The following PDS5B variants were observed in gnomAD, a reference collection of about 807,000 sequenced individuals.
PDS5B encodes PDS5 cohesin associated factor B.
PDS5B carries 51 observed loss-of-function variants against 184.1 expected under a neutral mutation model. The ratio of observed to expected loss-of-function variants is 0.28; its 90% CI spans 0.22 to 0.35. The LOEUF is 0.35. Among genes scored for constraint, PDS5B ranks in the 10% least tolerant of loss-of-function variants. PDS5B has a pLI of 1.00. For missense variants in PDS5B, 1,180 were observed against 1,723.3 expected, an observed-to-expected ratio of 0.68 and a Z score of 5.58; for synonymous variants, 566 against 569.2, an observed-to-expected ratio of 0.99 and a Z score of 0.08.
At chr13:32,611,654 C>G (rs772765313) in intron 1 of PDS5B, among the ~76,000 whole-genome samples, 1 of 151,574 alleles carries the variant, frequency 6.6e-6, no homozygotes, top group East Asian at 1.9e-4. Flanking sequence ...ACTACAGGTG[C>G]GTGCCACCAC....
At chr13:32,770,584 G>T (rs578011688) in intron 32 of PDS5B, 24 bp downstream of exon 32, 2 of 1,600,746 alleles carry the variant, frequency 1.2e-6, no homozygotes, top group African/African-American at 1.4e-5. Context: ...ACTCTAAACT[G>T]CATCTGTTTC....
intron 1 of PDS5B, among the ~76,000 whole-genome samples, chr13:32,600,598 G>T (rs748369653): frequency 4.6e-5 from 7 of 152,202 alleles, no homozygotes; most frequent in Non-Finnish European, 8.8e-5. Flanking sequence ...AGATGAGCCG[G>T]TGTGATGGCA....
Position 32,775,250 on chromosome 13 carries a change from G to C in PDS5B, c.*198G>C. On this transcript the variant is annotated 3_prime_UTR_variant, in exon 35 of 35. Transcript: ENST00000315596. ...CATACACATGGTAACATTGACTATG[G>C]AGTCTTGTGAAAGTGTAATGTGCGA... 1.7e-6 allele frequency: 1 copy of C among 575,854 alleles called. No individual in the cohort carries two copies. Among genetic ancestry groups the C allele is most frequent in the Non-Finnish European group, 3.1e-6 (1 of 324,238 alleles). The allele number at this position is 575,854 out of a possible 1,614,324, so 35.7% of individuals were successfully genotyped here.
chr13:32,595,279 A>G (rs773908959), intron 1 of PDS5B, among the ~76,000 whole-genome samples: 22 of 152,174 alleles, frequency 1.4e-4, no homozygotes, highest in Non-Finnish European at 2.8e-4. Flanking sequence ...TACATAAGTT[A>G]CCAAATCCTG....
At chr13:32,755,198 G>A (rs1312485871) in intron 25 of PDS5B, among the ~76,000 whole-genome samples, 2 of 152,108 alleles carry the variant, frequency 1.3e-5, no homozygotes, top group Non-Finnish European at 1.5e-5. Context: ...ATGAGTCCCA[G>A]TCTATGTGTA....
intron 13 of PDS5B, among the ~76,000 whole-genome samples, chr13:32,693,332 A>G (rs1253759266): frequency 6.6e-6 from 1 of 151,996 alleles, no homozygotes; most frequent in Non-Finnish European, 1.5e-5. Context: ...CGTGACTACT[A>G]TAAAGGAATT....
At chr13:32,611,561 C>G (rs1313598500) in intron 1 of PDS5B, among the ~76,000 whole-genome samples, 3 of 139,288 alleles carry the variant, frequency 2.2e-5, no homozygotes, top group Non-Finnish European at 4.5e-5. Context: ...AGACTGGAGT[C>G]CAGTGGCATG....
At chr13:32,660,856 A>G (rs1342155579) in intron 6 of PDS5B, among the ~76,000 whole-genome samples, 3 of 152,180 alleles carry the variant, frequency 2.0e-5, no homozygotes, top group Non-Finnish European at 4.4e-5. Context: ...TATAGATTCA[A>G]TCTTTTGCTT....
chr13:32,598,262 A>G (rs767097369), intron 1 of PDS5B, among the ~76,000 whole-genome samples: 37 of 151,718 alleles, frequency 2.4e-4, no homozygotes, highest in Non-Finnish European at 5.0e-4. Context: ...TTTAGTAGAG[A>G]TGGGGTTTCA....
At position 32,741,068 on chromosome 13, in the gene PDS5B, G is replaced by GTTTTTTTTTTTT. The variant is rs1566397570; in HGVS notation, c.2407-9_2407-8insTTTTTTTTTTTT. 7.8e-7 allele frequency: 1 copy of GTTTTTTTTTTTT among 1,281,030 alleles called. No individual in the cohort carries two copies. The allele number at this position is 1,281,030 out of a possible 1,614,324, so 79.4% of individuals were successfully genotyped here. A position where few individuals can be genotyped will look rare whatever the true frequency, so the allele number is the denominator to read the frequency against. The stretch of plus-strand genomic sequence containing the variant: ...AGTCCCTGGTTTTTTTTTTTTTCTC[G>GTTTTTTTTTTTT]TTTATTTTTAGCTTCCAGGGAAAAA... On this transcript the variant is annotated splice_polypyrimidine_tract_variant and intron_variant, in intron 21 of 34. Coordinates refer to ENST00000315596, the MANE Select transcript of PDS5B (RefSeq NM_015032.4).
Position 32,694,162 on chromosome 13 carries a change from A to G in PDS5B, c.1470-61A>G. On this transcript the variant is annotated intron_variant, in intron 13 of 34. Transcript: ENST00000315596. ...TTGAACCTTAAATTATATAGTAGTA[A>G]TATTCTAGAAAGATTTTTATTCTGT... 2.6e-6 allele frequency: 3 copies of G among 1,136,460 alleles called. No homozygotes were observed. The South Asian group carries it at 3.9e-5, about 15-fold the overall frequency. 70.4% of individuals were successfully genotyped at this position (1,136,460 alleles called of 1,614,324 possible).
chr13:32,662,675 G>T (rs995820266), intron 6 of PDS5B, among the ~76,000 whole-genome samples: 4 of 152,050 alleles, frequency 2.6e-5, no homozygotes, highest in Non-Finnish European at 4.4e-5. Context: ...ACTTTTAAGT[G>T]TAACTCCATG....
At position 32,764,555 on chromosome 13, in the gene PDS5B, GA is replaced by G. The variant is rs755801132; in HGVS notation, c.3592del (p.Ser1198ValfsTer10). 1.4e-5 allele frequency: 22 copies of G among 1,600,890 alleles called. No homozygotes were observed. The highest frequency in any genetic ancestry group is 4.5e-5 in the East Asian group (2 of 44,178). ...ACACAATGTCTTCACCTTTGCCGGG[GA>G]AAAAAAGTGACAAGAGAGACGACTC... The part of the protein sequence containing the change: ...DYTMSSPLPG[K>X]KSDKRDDSDL... On this transcript the variant is annotated frameshift_variant, in exon 31 of 35. Transcript: ENST00000315596. LOFTEE classifies it high-confidence loss of function.
chr13:32,670,815 C>G (rs994726516), intron 7 of PDS5B, among the ~76,000 whole-genome samples: 8 of 152,280 alleles, frequency 5.3e-5, no homozygotes, highest in Non-Finnish European at 8.8e-5. Context: ...CTTAATTCCA[C>G]TGAGCCTCTG....
chr13:32,709,073 C>T (rs1158892382), intron 18 of PDS5B, among the ~76,000 whole-genome samples: 1 of 151,934 alleles, frequency 6.6e-6, no homozygotes, highest in Non-Finnish European at 1.5e-5. Context: ...GTTTTATCAT[C>T]TATGTATGTA....
At chr13:32,620,368 A>C (rs2058281143) in intron 1 of PDS5B, among the ~76,000 whole-genome samples, 1 of 152,102 alleles carries the variant, frequency 6.6e-6, no homozygotes, top group Non-Finnish European at 1.5e-5. Flanking sequence ...AACTGTTAAA[A>C]AGTGGTAGTG....
rs927573726 is a variant in PDS5B at position 32,775,782 on chromosome 13, G to T, written c.*730G>T. 12 of 378,440 alleles carry T rather than the reference G, an allele frequency of 3.2e-5. No homozygotes were observed. Among genetic ancestry groups the T allele is most frequent in the African/African-American group, 2.4e-4 (11 of 46,398 alleles). 23.4% of individuals were successfully genotyped at this position (378,440 alleles called of 1,614,324 possible). On this transcript the variant is annotated 3_prime_UTR_variant, in exon 35 of 35. Coordinates refer to ENST00000315596, the MANE Select transcript of PDS5B (RefSeq NM_015032.4). Reference sequence around the variant, plus strand: ...TGGCAATGAAAATTTTAAGAAGAAAGATTTAAAGTATTTTAATTTTAAAGA... The same window carrying T: ...TGGCAATGAAAATTTTAAGAAGAAATATTTAAAGTATTTTAATTTTAAAGA...
At chr13:32,727,177 C>T (rs532114625) in intron 19 of PDS5B, among the ~76,000 whole-genome samples, 6 of 152,178 alleles carry the variant, frequency 3.9e-5, no homozygotes, top group Non-Finnish European at 7.4e-5. Context: ...TTTATCTTTA[C>T]TATTGGTTTA....
chr13:32,722,618 A>G (rs562807228), intron 19 of PDS5B, among the ~76,000 whole-genome samples: 1 of 152,374 alleles, frequency 6.6e-6, no homozygotes, highest in South Asian at 2.1e-4. Flanking sequence ...TGCATTTCTC[A>G]GAATGTATCC....
Sources: gnomAD v4.1 joint callset for allele counts (sites outside exome capture counted in the v4.1 genomes callset) on GRCh38, gnomAD v4.1.1 for gene constraint, MANE v1.5 for transcripts, NCBI Gene and HGNC (gene_info 2026-07-23, HGNC 2026-07-21) for gene names.